Variants in LEMD2 observed in about 807,000 individuals in gnomAD.
LEMD2 encodes LEM domain nuclear envelope protein 2, also known as LEM domain-containing protein 2.
A neutral mutation model predicts 58.8 loss-of-function variants in LEMD2; 34 were observed. The ratio of observed to expected loss-of-function variants is 0.58; its 90% CI spans 0.44 to 0.77. The LOEUF (loss-of-function observed/expected upper bound fraction) is 0.77, where lower values mean the gene tolerates loss of function less well. Ranked by LOEUF, LEMD2 falls within the 30% of genes least tolerant of loss-of-function variation. LEMD2 has a pLI of 0.00. For missense variants in LEMD2, 629 were observed against 717.9 expected (o/e 0.88, Z 1.42); for synonymous variants, 298 against 308.9 (o/e 0.96, Z 0.37).
In LEMD2 at chr6:33,788,794, C is replaced by G; in HGVS notation, c.323G>C (p.Arg108Pro). The change falls in exon 1 of 9, where the codon CGG (arginine) becomes CCG (proline). Residue 108 changes from arginine to proline, a missense_variant. Arg to Pro is a moderately radical substitution (Grantham distance 103, BLOSUM62 -2). Around this residue, in one of 2 missense-constraint regions of LEMD2, gnomAD observed 386 missense variants for 381.1 expected, o/e 1.01. Transcript: ENST00000293760. ...YATPGAYGDI[R>P]PSAASWVGSR... The stretch of plus-strand genomic sequence containing the variant: ...CCCTACCCAGGAAGCCGCGGAGGGC[C>G]GGATATCACCGTAGGCCCCAGGGGT... The G allele has an allele frequency of 6.9e-7, 1 of 1,452,024 alleles. No homozygotes were observed. Among genetic ancestry groups the G allele is most frequent in the Non-Finnish European group, 9.1e-7 (1 of 1,104,372 alleles). 89.9% of individuals were successfully genotyped at this position (1,452,024 alleles called of 1,614,324 possible). A position where few individuals can be genotyped will look rare whatever the true frequency, so the allele number is the denominator to read the frequency against.
intron 2 of LEMD2, 50 bp from the exon 3 acceptor site, chr6:33,784,477 G>GGGGGGGGGGGGCCCCC: frequency 2.3e-6 from 1 of 430,800 alleles, no homozygotes; most frequent in Non-Finnish European, 4.8e-6. Flanking sequence ...GGTGGGAGGG[G>GGGGGGGGGGGGCCCCC]TCCGTCTGTC....
At chr6:33,780,015 C>T (rs1767527599) in intron 5 of LEMD2, 85 bp downstream of exon 5, 2 of 1,179,618 alleles carry the variant, frequency 1.7e-6, no homozygotes, top group Non-Finnish European at 2.5e-6. Flanking sequence ...CCTGAGACAG[C>T]TCTGTTGGAG....
intron 4 of LEMD2, among the ~76,000 whole-genome samples, chr6:33,780,855 G>A (rs780425924): frequency 7.2e-5 from 11 of 152,162 alleles, no homozygotes; most frequent in Admixed American, 3.9e-4. Context: ...GGAGTGAGCC[G>A]CCCCACTGCA....
chr6:33,786,983 G>A (rs915924467), intron 1 of LEMD2: 1 of 1,154,088 alleles, frequency 8.7e-7, no homozygotes, highest in South Asian at 1.9e-5. Context: ...ACGATAGCTG[G>A]GTCCTTGTCC....
chr6:33,775,159 G>A (rs1031715420), intron 8 of LEMD2, among the ~76,000 whole-genome samples: 1 of 152,204 alleles, frequency 6.6e-6, no homozygotes, highest in Admixed American at 6.5e-5. Flanking sequence ...CTCCCTGGGA[G>A]GTAGAGGGCC....
At chr6:33,775,985 G>T (rs756050075) in intron 8 of LEMD2, among the ~76,000 whole-genome samples, 1 of 152,176 alleles carries the variant, frequency 6.6e-6, no homozygotes, top group Non-Finnish European at 1.5e-5. Context: ...CCAACACTGG[G>T]GGGGGCCCTG....
intron 8 of LEMD2, among the ~76,000 whole-genome samples, chr6:33,773,599 G>GC (rs757189653): frequency 0.12 from 18,303 of 151,248 alleles, 1,474 homozygotes; most frequent in Middle Eastern, 0.22. Flanking sequence ...GGAGGCGGGG[G>GC]GGGGGCTAGG....
Position 33,772,013 on chromosome 6 carries a change from C to CTG in LEMD2, c.*613_*614dup, listed in dbSNP as rs923124004. On this transcript the variant is annotated 3_prime_UTR_variant, in exon 9 of 9. Transcript: ENST00000293760. ...CCTACTTCGGGATCCTCCCAGGAGG[C>CTG]TGTGCCGGCTGCTCACTCCTCCTGA... The CTG allele has an allele frequency of 6.5e-6, 1 of 152,772 alleles. No individual in the cohort carries two copies. Among genetic ancestry groups the CTG allele is most frequent in the African/African-American group, 2.4e-5 (1 of 41,468 alleles). The allele number at this position is 152,772 out of a possible 1,614,324, so 9.5% of individuals were successfully genotyped here.
rs79755601 is a variant in LEMD2, at chr6:33,782,903, G to C, written c.853+1449C>G. ...CAATGAGATATGTACCTTCAAGGCG[G>C]CCCCCCAGGCTTGTCGGAGGGCAAC... On this transcript the variant is annotated intron_variant, in intron 3 of 8. Transcript: ENST00000293760. 5.4e-3 allele frequency among the ~76,000 whole-genome samples: 828 copies of C among 152,366 alleles called. 11 individuals are homozygous for C. The highest frequency in any genetic ancestry group is 0.019 in the African/African-American group (779 of 41,592).
intron 2 of LEMD2, among the ~76,000 whole-genome samples, chr6:33,784,990 G>C (rs1282974240): frequency 6.6e-6 from 1 of 152,170 alleles, no homozygotes; most frequent in Non-Finnish European, 1.5e-5. Flanking sequence ...CCACCTAAAG[G>C]AAACAGGAGG....
intron 5 of LEMD2, chr6:33,779,804 T>C: frequency 3.2e-6 from 1 of 310,516 alleles, no homozygotes; most frequent in Non-Finnish European, 6.0e-6. Flanking sequence ...TGTGGTGTTG[T>C]TGATGAATGA....
rs1413006629 is a variant in LEMD2, at chr6:33,788,432, G to A, written c.685C>T (p.Leu229Phe). The A allele has an allele frequency of 5.7e-6, 9 of 1,586,430 alleles. No homozygotes were observed. Among genetic ancestry groups the A allele is most frequent in the South Asian group, 1.1e-5 (1 of 87,238 alleles). The change falls in exon 1 of 9, where the codon CTT (leucine) becomes TTT (phenylalanine). Residue 229 changes from leucine to phenylalanine, a missense_variant. Leu to Phe is a conservative substitution (Grantham distance 22). Around this residue, in one of 2 missense-constraint regions of LEMD2, gnomAD observed 386 missense variants for 381.1 expected, o/e 1.01. Coordinates refer to ENST00000293760, the MANE Select transcript of LEMD2 (RefSeq NM_181336.4). ...LGLLLVFLGI[L>F]WVKMGKPSAP... is the part of the protein sequence containing the mutation. ...GAGGGCTTGCCCATCTTCACCCAAAGGATGCCCAGGAAGACGAGCAGTAGC... is the reference window on the plus strand; with the variant it reads ...GAGGGCTTGCCCATCTTCACCCAAAAGATGCCCAGGAAGACGAGCAGTAGC...
At chr6:33,773,265 T>C (rs1767346192) in intron 8 of LEMD2, among the ~76,000 whole-genome samples, 2 of 152,106 alleles carry the variant, frequency 1.3e-5, no homozygotes. Flanking sequence ...CTGGAGCTGC[T>C]CTAGGGAACC....
intron 1 of LEMD2, 53 bp downstream of exon 1, chr6:33,788,328 C>G: frequency 2.0e-6 from 3 of 1,492,274 alleles, no homozygotes; most frequent in Non-Finnish European, 2.7e-6. Context: ...GGGGGGTCCT[C>G]CGGCGGACAC....
Position 33,776,993 on chromosome 6 carries a change from A to G in LEMD2, c.1322T>C (p.Ile441Thr). The change falls in exon 8 of 9, where the codon ATC (isoleucine) becomes ACC (threonine). Residue 441 changes from isoleucine (I) to threonine (T), a missense_variant. This residue lies in a region of LEMD2 where 243 missense variants were observed against 336.8 expected (regional missense o/e 0.72). Transcript: ENST00000293760. ...GATCAAGCTGTCGCGCACGTGCAGG[A>G]TGCCTACATATGGATAGCGCTCCAT... ...QDMERYPYVG[I>T]LHVRDSLIPP... 6.2e-7 allele frequency: 1 copy of G among 1,614,144 alleles called. No individual in the cohort carries two copies. Among genetic ancestry groups the G allele is most frequent in the Non-Finnish European group, 8.5e-7 (1 of 1,180,034 alleles).
Position 33,786,815 on chromosome 6 carries a change from G to A in LEMD2, c.737-41C>T, listed in dbSNP as rs4711351. The A allele has an allele frequency of 0.38, 611,480 of 1,608,524 alleles. 122,063 individuals carry two copies. The highest frequency in any genetic ancestry group is 0.72 in the East Asian group (32,501 of 44,830). On this transcript the variant is annotated intron_variant, in intron 1 of 8. Transcript: ENST00000293760. ...GAAACACAGAGGAAATTAAGTGTGG[G>A]TTGAGAAAGGAATACAAAAAGAGAC...
chr6:33,781,256 C>T (rs1582258578), intron 3 of LEMD2, 103 bp from the exon 4 acceptor site: 4 of 729,952 alleles, frequency 5.5e-6, no homozygotes, highest in African/African-American at 1.8e-5. Context: ...TAATAAGGAG[C>T]ATGTTGCCCA....
chr6:33,784,531 G>T, intron 2 of LEMD2, 104 bp from the exon 3 acceptor site: 2 of 722,838 alleles, frequency 2.8e-6, no homozygotes, highest in Non-Finnish European at 2.4e-6. Flanking sequence ...TAAACAGCAA[G>T]GAATATCTCA....
At chr6:33,784,609 G>C (rs72880536) in intron 2 of LEMD2, 182 bp from the exon 3 acceptor site, 4 of 560,652 alleles carry the variant, frequency 7.1e-6, no homozygotes, top group Non-Finnish European at 6.4e-6. Context: ...TAAATATTGG[G>C]TTAACTGCCT....
Sources: gnomAD v4.1 joint callset for allele counts (sites outside exome capture counted in the v4.1 genomes callset) on GRCh38, gnomAD v4.1.1 for gene constraint, gnomAD v4.1.1 regional missense constraint, MANE v1.5 for transcripts, NCBI Gene and HGNC (gene_info 2026-07-23, HGNC 2026-07-21) for gene names.